MADD: variants seen among roughly 807,000 people sequenced by gnomAD.
MADD encodes the protein MAP kinase-activating death domain protein.
MADD carries 109 observed loss-of-function variants against 176.7 expected under a neutral mutation model. The ratio of observed to expected loss-of-function variants is 0.62; its 90% CI spans 0.53 to 0.72. The LOEUF (loss-of-function observed/expected upper bound fraction) is 0.72, where lower values mean the gene tolerates loss of function less well. Ranked by LOEUF, MADD falls within the 30% of genes least tolerant of loss-of-function variation. The probability of loss-of-function intolerance (pLI) is 0.00; values close to 1 mark genes in which losing one functional copy is unlikely to be tolerated. For synonymous variants in MADD, 771 were observed against 771.3 expected (o/e 1.00, Z 0.01); for missense variants, 1,914 against 2,045.5 (o/e 0.94, Z 1.24).
At chr11:47,309,838 CTTTTTTTTTTTT>C (rs60488949) in intron 25 of MADD, among the ~76,000 whole-genome samples, 59,036 of 143,770 alleles carry the variant, frequency 0.41, 12,516 homozygotes, top group East Asian at 0.7. Context: ...TGATGATTCT[CTTTTTTTTTTTT>C]TTTTTTTTTG....
intron 31 of MADD, 155 bp downstream of exon 35, chr11:47,326,962 T>C: frequency 2.1e-6 from 3 of 1,421,934 alleles, no homozygotes; most frequent in Non-Finnish European, 2.8e-6. Context: ...ACCCCTGAGA[T>C]GAGAGCCGGG....
At chr11:47,299,433 G>T (rs554218028) in intron 22 of MADD, among the ~76,000 whole-genome samples, 3 of 151,656 alleles carry the variant, frequency 2.0e-5, no homozygotes, top group Middle Eastern at 3.4e-3. Flanking sequence ...TTAATTTGTG[G>T]CTATCGTAAA....
At chr11:47,329,395 C>T in exon 33 of MADD, 2 of 546,422 alleles carry the variant, frequency 3.7e-6, no homozygotes, top group East Asian at 6.2e-5. Flanking sequence ...AGAATGTGTA[C>T]AGTCTGTGGG....
intron 18 of MADD, 86 bp downstream of exon 19, chr11:47,290,385 C>T (rs2064129436): frequency 9.2e-6 from 14 of 1,514,154 alleles, no homozygotes; most frequent in East Asian, 2.3e-5. Flanking sequence ...ACCCAGGACA[C>T]GTTTCCCAGT....
chr11:47,302,586 T>C (rs1244620708), intron 22 of MADD, among the ~76,000 whole-genome samples: 1 of 152,234 alleles, frequency 6.6e-6, no homozygotes, highest in Non-Finnish European at 1.5e-5. Flanking sequence ...TTGGTTTCTA[T>C]TTGTGTGAAA....
intron 27 of MADD, among the ~76,000 whole-genome samples, chr11:47,318,763 A>G (rs1383389604): frequency 7.1e-6 from 1 of 141,498 alleles, no homozygotes; most frequent in East Asian, 2.1e-4. Flanking sequence ...TGCTTTTTGC[A>G]TGATCAACTG....
chr11:47,328,577 G>A, intron 31 of MADD, 81 bp from the exon 36 acceptor site: 1 of 1,597,978 alleles, frequency 6.3e-7, no homozygotes, highest in South Asian at 1.1e-5. Context: ...CCTGACGCCG[G>A]GCGCTGCCGC....
chr11:47,297,917 T>C (rs1297922313), intron 22 of MADD, among the ~76,000 whole-genome samples: 1 of 150,792 alleles, frequency 6.6e-6, no homozygotes, highest in Non-Finnish European at 1.5e-5. Context: ...GCCTCCCGAG[T>C]AGCTGGGACT....
At chr11:47,273,192 G>A (rs911565341) in intron 1 of MADD, among the ~76,000 whole-genome samples, 2 of 152,206 alleles carry the variant, frequency 1.3e-5, no homozygotes, top group Admixed American at 6.5e-5. Context: ...CCACCCTGGA[G>A]GGATCCTGAG....
chr11:47,303,780 G>A (rs1383602755), intron 22 of MADD, among the ~76,000 whole-genome samples: 1 of 151,408 alleles, frequency 6.6e-6, no homozygotes, highest in Non-Finnish European at 1.5e-5. Flanking sequence ...TAATTTTTTT[G>A]TATTTTTAGT....
chr11:47,317,154 T>C (rs2141458168), intron 27 of MADD, among the ~76,000 whole-genome samples: 1 of 152,364 alleles, frequency 6.6e-6, no homozygotes, highest in South Asian at 2.1e-4. Context: ...CCAAGAAAGC[T>C]TTCCCATTGG....
At chr11:47,294,998 C>T (rs1332574620) in intron 20 of MADD, among the ~76,000 whole-genome samples, 7 of 148,346 alleles carry the variant, frequency 4.7e-5, no homozygotes, top group Non-Finnish European at 1.5e-5. Flanking sequence ...TTCTTTAACG[C>T]ATTGTTTTTT....
intron 20 of MADD, among the ~76,000 whole-genome samples, chr11:47,294,256 G>A (rs1435891581): frequency 6.6e-6 from 1 of 151,950 alleles, no homozygotes; most frequent in Non-Finnish European, 1.5e-5. Context: ...GGCTGAGGCA[G>A]GAGAAATGCT....
At chr11:47,300,292 C>G (rs1243582627) in intron 22 of MADD, among the ~76,000 whole-genome samples, 1 of 149,992 alleles carries the variant, frequency 6.7e-6, no homozygotes, top group Non-Finnish European at 1.5e-5. Flanking sequence ...CTGCTACCCC[C>G]GCCTCCCGGG....
intron 16 of MADD, 128 bp downstream of exon 17, chr11:47,289,621 A>C: frequency 1.2e-6 from 1 of 863,172 alleles, no homozygotes; most frequent in Non-Finnish European, 1.9e-6. Flanking sequence ...ATTTCTTGCC[A>C]GCACTTCTCA....
intron 9 of MADD, 47 bp from the exon 10 acceptor site, chr11:47,282,766 T>C (rs777156868): frequency 8.1e-6 from 13 of 1,602,112 alleles, no homozygotes; most frequent in Non-Finnish European, 1.0e-5. Flanking sequence ...GTTGCTTGCC[T>C]TTTTTTCCTT....
exon 16 of MADD, chr11:47,289,448 T>C: frequency 6.2e-7 from 1 of 1,614,046 alleles, no homozygotes; most frequent in South Asian, 1.1e-5. Flanking sequence ...AGCCCAACAG[T>C]GAAAAGAGAA....
chr11:47,287,812 CA>C (rs2061858840), intron 15 of MADD, among the ~76,000 whole-genome samples: 1 of 95,594 alleles, frequency 1.0e-5, no homozygotes, highest in South Asian at 3.5e-4. Flanking sequence ...TTTTTTGAGA[CA>C]AGAGTCTCGC....
exon 18 of MADD, chr11:47,290,266 T>C (rs1284257496): frequency 6.2e-7 from 1 of 1,614,106 alleles, no homozygotes; most frequent in Non-Finnish European, 8.5e-7. Flanking sequence ...CTTTGGGCTT[T>C]TGGAGATTGC....
Sources: allele counts gnomAD v4.1 joint callset (sites outside exome capture counted in the v4.1 genomes callset), GRCh38; gene constraint gnomAD v4.1.1; transcripts MANE v1.5; gene names NCBI Gene and HGNC (gene_info 2026-07-23, HGNC 2026-07-21).